FYB1: variants seen among roughly 807,000 people sequenced by gnomAD.
FYB1 encodes FYN-binding protein 1.
A neutral mutation model predicts 94.1 loss-of-function variants in FYB1; 41 were observed. The ratio of observed to expected loss-of-function variants is 0.44; its 90% CI spans 0.34 to 0.57. The LOEUF (loss-of-function observed/expected upper bound fraction) is 0.57. Ranked by LOEUF, FYB1 falls within the 20% of genes least tolerant of loss-of-function variation. FYB1 has a pLI of 0.02. For missense variants in FYB1, 1,050 were observed against 976.8 expected (o/e 1.07, Z -1.00); for synonymous variants, 367 against 353.2 (o/e 1.04, Z -0.44).
chr5:39,147,804 C>A (rs1742809344), intron 3 of FYB1, among the ~76,000 whole-genome samples: 1 of 151,156 alleles, frequency 6.6e-6, no homozygotes, highest in Non-Finnish European at 1.5e-5. Context: ...CCTCAGCCTC[C>A]CGAGTAGCTG....
At chr5:39,175,357 A>C (rs1053148835) in intron 2 of FYB1, among the ~76,000 whole-genome samples, 1 of 152,222 alleles carries the variant, frequency 6.6e-6, no homozygotes. Context: ...GATGACTCTG[A>C]TATAAGCGGT....
chr5:39,234,149 C>G (rs1307634994), intron 1 of FYB1, among the ~76,000 whole-genome samples: 2 of 152,050 alleles, frequency 1.3e-5, no homozygotes, highest in Admixed American at 1.3e-4. Flanking sequence ...TGCCCCATCA[C>G]CACAGCACAT....
At chr5:39,221,485 T>C (rs571975435), upstream of FYB1, among the ~76,000 whole-genome samples, 52 of 152,290 alleles carry the variant, frequency 3.4e-4, no homozygotes, top group Non-Finnish European at 5.9e-4. Flanking sequence ...TAACTAACCA[T>C]GACACACTGT....
chr5:39,190,043 A>G (rs942615348), intron 2 of FYB1, among the ~76,000 whole-genome samples: 1 of 152,188 alleles, frequency 6.6e-6, no homozygotes, highest in Non-Finnish European at 1.5e-5. Context: ...GATGTTTGGA[A>G]CTAACTTTGT....
Position 39,127,059 on chromosome 5 carries a change from CAAAAAAA to C in FYB1, c.1907+675_1907+681del, listed in dbSNP as rs200980181. Among the ~76,000 whole-genome samples the C allele has an allele frequency of 8.8e-3, 681 of 77,472 alleles. 3 individuals are homozygous for C. The highest frequency in any genetic ancestry group is 0.044 in the Middle Eastern group (6 of 136). 50.8% of individuals were successfully genotyped at this position (77,472 alleles called of 152,430 possible). On this transcript the variant is annotated intron_variant, in intron 11 of 18. Transcript: ENST00000512982. ...GGCAACAAGAGCAAAACTCAGGTCT[CAAAAAAA>C]AAAAAAAAAAAAAAAAAGAAATCTT...
Position 39,107,278 on chromosome 5 carries a change from C to T in FYB1, c.*165G>A. On this transcript the variant is annotated 3_prime_UTR_variant, in exon 19 of 19. Transcript: ENST00000512982. ...AACAATTAAGCAGAGAGATTATTTT[C>T]TATGTTCAAACTTTAAACACTTTGT... 1 of 429,174 alleles carries T rather than the reference C, an allele frequency of 2.3e-6. No individual in the cohort carries two copies. The highest frequency in any genetic ancestry group is 4.3e-6 in the Non-Finnish European group (1 of 234,624). The allele number at this position is 429,174 out of a possible 1,614,324, so 26.6% of individuals were successfully genotyped here. A position where few individuals can be genotyped will look rare whatever the true frequency, so the allele number is the denominator to read the frequency against.
chr5:39,222,201 A>G (rs982253664), upstream of FYB1, among the ~76,000 whole-genome samples: 2 of 152,068 alleles, frequency 1.3e-5, no homozygotes, highest in Admixed American at 6.6e-5. Flanking sequence ...AAGACTGGGT[A>G]AGGCCTTCTG....
chr5:39,246,078 C>T (rs835182), intron 1 of FYB1, among the ~76,000 whole-genome samples: 25,618 of 152,084 alleles, frequency 0.17, 5,758 homozygotes, highest in African/African-American at 0.5. Context: ...TTTCTTTCTG[C>T]TTTGTTTTGT....
chr5:39,130,687 ATTAG>A (rs1561148311), intron 9 of FYB1, 75 bp from the exon 10 acceptor site: 10 of 1,126,136 alleles, frequency 8.9e-6, no homozygotes, highest in African/African-American at 1.6e-5. Flanking sequence ...ACATATCCTG[ATTAG>A]TTATTCAAAA....
At chr5:39,174,908 C>A (rs999720802) in intron 2 of FYB1, among the ~76,000 whole-genome samples, 1 of 152,122 alleles carries the variant, frequency 6.6e-6, no homozygotes, top group African/African-American at 2.4e-5. Context: ...AGACTAAGGG[C>A]GAACAGAAGC....
At chr5:39,253,613 G>T (rs1751819362) in intron 1 of FYB1, among the ~76,000 whole-genome samples, 1 of 152,050 alleles carries the variant, frequency 6.6e-6, no homozygotes. Flanking sequence ...GTGTTGTAAG[G>T]TATAGGATTG....
At chr5:39,170,403 G>A (rs543950192) in intron 2 of FYB1, 189 of 567,078 alleles carry the variant, frequency 3.3e-4, no homozygotes, top group Non-Finnish European at 4.2e-4. Context: ...TCTTGTCGCC[G>A]TCCTGGGCCG....
At chr5:39,219,323 G>A (rs1004173635) in intron 1 of FYB1, 120 bp downstream of exon 1, 21 of 551,800 alleles carry the variant, frequency 3.8e-5, no homozygotes, top group Middle Eastern at 8.9e-4. Context: ...CAGAACATGC[G>A]TTTCCTTCAG....
At chr5:39,261,366 A>T (rs960060323) in intron 1 of FYB1, among the ~76,000 whole-genome samples, 7 of 151,556 alleles carry the variant, frequency 4.6e-5, no homozygotes, top group African/African-American at 1.7e-4. Context: ...ACACACACAC[A>T]CACACAAAGA....
upstream of FYB1, among the ~76,000 whole-genome samples, chr5:39,221,669 C>T (rs1157925043): frequency 6.6e-6 from 1 of 152,156 alleles, no homozygotes; most frequent in Non-Finnish European, 1.5e-5. Flanking sequence ...TTTTCTTCTC[C>T]TCTCTGCCAA....
chr5:39,245,272 T>C (rs1021695484), intron 1 of FYB1, among the ~76,000 whole-genome samples: 1 of 152,216 alleles, frequency 6.6e-6, no homozygotes, highest in Non-Finnish European at 1.5e-5. Flanking sequence ...AAAATACCTA[T>C]AAATCTCTGG....
chr5:39,219,846 C>T (rs1750151706), upstream of FYB1, among the ~76,000 whole-genome samples: 1 of 152,168 alleles, frequency 6.6e-6, no homozygotes. Context: ...GTTCTTTGGA[C>T]CCATAATCTT....
At chr5:39,198,487 C>T (rs536052052) in intron 2 of FYB1, among the ~76,000 whole-genome samples, 22 of 152,242 alleles carry the variant, frequency 1.4e-4, no homozygotes, top group Non-Finnish European at 2.4e-4. Flanking sequence ...ATCCCATGTA[C>T]ATATTAGTAA....
intron 1 of FYB1, among the ~76,000 whole-genome samples, chr5:39,224,627 T>G (rs1642519): frequency 0.17 from 26,217 of 152,152 alleles, 4,857 homozygotes; most frequent in African/African-American, 0.45. Flanking sequence ...AGGATGAGAA[T>G]GGACTGTGTA....
Sources: allele counts gnomAD v4.1 joint callset (sites outside exome capture counted in the v4.1 genomes callset), GRCh38; gene constraint gnomAD v4.1.1; transcripts MANE v1.5; gene names NCBI Gene and HGNC (gene_info 2026-07-23, HGNC 2026-07-21).